ABHD3: variants seen among roughly 807,000 people sequenced by gnomAD.
The protein encoded by ABHD3 is abhydrolase domain containing 3, phospholipase, also known as phospholipase ABHD3.
A neutral mutation model predicts 48.8 loss-of-function variants in ABHD3; 46 were observed. The observed-to-expected ratio is 0.94, with a 90% CI of 0.74 to 1.20. The LOEUF is 1.20. Among genes scored for constraint, ABHD3 ranks in the 50% most tolerant of loss-of-function variants. The pLI is 0.00. For missense variants in ABHD3, 490 were observed against 497.8 expected (o/e 0.98, Z 0.15); for synonymous variants, 192 against 183.7 (o/e 1.04, Z -0.36).
At chr18:21,654,145 C>T (rs533951796) in intron 8 of ABHD3, among the ~76,000 whole-genome samples, 17 of 152,190 alleles carry the variant, frequency 1.1e-4, no homozygotes, top group Non-Finnish European at 2.1e-4. Context: ...AGCCACTTCG[C>T]TCGGCCTGAC....
intron 4 of ABHD3, among the ~76,000 whole-genome samples, chr18:21,669,754 C>G (rs553476633): frequency 6.6e-6 from 1 of 152,280 alleles, no homozygotes; most frequent in African/African-American, 2.4e-5. Flanking sequence ...TTGTGGGCGA[C>G]ATGGCATTCT....
chr18:21,685,084 T>C (rs1290460452), intron 3 of ABHD3, among the ~76,000 whole-genome samples: 2 of 152,356 alleles, frequency 1.3e-5, no homozygotes, highest in African/African-American at 2.4e-5. Context: ...GGCCCAGATA[T>C]GTATTTTTAC....
intron 4 of ABHD3, among the ~76,000 whole-genome samples, chr18:21,679,974 C>T (rs1248677984): frequency 6.6e-6 from 1 of 150,754 alleles, no homozygotes; most frequent in African/African-American, 2.4e-5. Context: ...GTGCCTGGCC[C>T]TAAAAAGCTT....
chr18:21,683,121 T>G (rs982932961), intron 4 of ABHD3: 18 of 155,226 alleles, frequency 1.2e-4, no homozygotes, highest in African/African-American at 4.3e-4. Context: ...CTTAATGTCA[T>G]TCTCTATCAA....
At chr18:21,669,003 G>A (rs991494631) in intron 4 of ABHD3, among the ~76,000 whole-genome samples, 3 of 152,062 alleles carry the variant, frequency 2.0e-5, no homozygotes, top group Admixed American at 6.6e-5. Context: ...TGGGCCAATC[G>A]CTTGAGCCCA....
chr18:21,665,317 T>C (rs1040126905), intron 4 of ABHD3, among the ~76,000 whole-genome samples: 3 of 152,054 alleles, frequency 2.0e-5, no homozygotes, highest in African/African-American at 4.8e-5. Context: ...CACAGCTCAC[T>C]GTAGCCTCGA....
chr18:21,704,735 G>A lies in ABHD3; in HGVS notation c.-70C>T. 15 of 1,302,412 alleles carry A rather than the reference G, an allele frequency of 1.2e-5. No homozygotes were observed. The highest frequency in any genetic ancestry group is 1.5e-5 in the Non-Finnish European group (15 of 1,015,002). The allele number at this position is 1,302,412 out of a possible 1,614,324, so 80.7% of individuals were successfully genotyped here. On this transcript the variant is annotated 5_prime_UTR_variant, in exon 1 of 9. Coordinates refer to ENST00000289119, the MANE Select transcript of ABHD3 (RefSeq NM_138340.5). Reference sequence around the variant, plus strand: ...GGCTGGCGAGCGGGCGAGAGCGGGCGAGAGCGGACGCGGCGCCGCTGCCTA... The same window carrying A: ...GGCTGGCGAGCGGGCGAGAGCGGGCAAGAGCGGACGCGGCGCCGCTGCCTA...
chr18:21,702,504 A>G lies in ABHD3; in HGVS notation c.327-6T>C. The G allele has an allele frequency of 1.3e-6, 2 of 1,581,880 alleles. No homozygotes were observed. The highest frequency in any genetic ancestry group is 2.3e-5 in the East Asian group (1 of 44,200). On this transcript the variant is annotated splice_polypyrimidine_tract_variant and splice_region_variant and intron_variant, in intron 2 of 8. Transcript: ENST00000289119. Reference sequence around the variant, plus strand: ...CTGCAGTTTTAATAAGTTCACTGAAAGGAATAATTCAGAAGACATTACTAT... The same window carrying G: ...CTGCAGTTTTAATAAGTTCACTGAAGGGAATAATTCAGAAGACATTACTAT...
At position 21,650,990 on chromosome 18, in the gene ABHD3, T is replaced by A. The variant is rs901708042; in HGVS notation, c.*601A>T. ...ATAAGCATGTAAATTATAATCATTATAAAACATAAGTTAGTCCTAATTTAA... is the reference window on the plus strand; with the variant it reads ...ATAAGCATGTAAATTATAATCATTAAAAAACATAAGTTAGTCCTAATTTAA... On this transcript the variant is annotated 3_prime_UTR_variant, in exon 9 of 9. Coordinates refer to ENST00000289119, the MANE Select transcript of ABHD3 (RefSeq NM_138340.5). 2 of 152,130 alleles carry A rather than the reference T, an allele frequency of 1.3e-5. No individual in the cohort carries two copies. The highest frequency in any genetic ancestry group is 4.8e-5 in the African/African-American group (2 of 41,452). The allele number at this position is 152,130 out of a possible 1,614,324, so 9.4% of individuals were successfully genotyped here. A position where few individuals can be genotyped will look rare whatever the true frequency, so the allele number is the denominator to read the frequency against.
chr18:21,680,977 C>G (rs993442072), intron 4 of ABHD3, among the ~76,000 whole-genome samples: 1 of 151,898 alleles, frequency 6.6e-6, no homozygotes, highest in Non-Finnish European at 1.5e-5. Context: ...ATCCTCCCAC[C>G]TGGGCCTCCC....
At chr18:21,666,070 C>T (rs1037907561) in intron 4 of ABHD3, among the ~76,000 whole-genome samples, 7 of 151,786 alleles carry the variant, frequency 4.6e-5, no homozygotes, top group African/African-American at 1.2e-4. Flanking sequence ...CTTGCTCTGT[C>T]GCCCAGGCTG....
chr18:21,694,706 C>T (rs1270708799), intron 3 of ABHD3, among the ~76,000 whole-genome samples: 5 of 152,276 alleles, frequency 3.3e-5, no homozygotes, highest in Non-Finnish European at 7.4e-5. Context: ...TCAAACTCAT[C>T]GAATGGGTGA....
chr18:21,688,531 G>C (rs1220953198), intron 3 of ABHD3, among the ~76,000 whole-genome samples: 1 of 151,528 alleles, frequency 6.6e-6, no homozygotes, highest in Non-Finnish European at 1.5e-5. Flanking sequence ...AGAGCCTGTA[G>C]TAGAGAAATA....
chr18:21,675,118 T>C (rs564698540), intron 4 of ABHD3, among the ~76,000 whole-genome samples: 22 of 152,238 alleles, frequency 1.4e-4, no homozygotes, highest in African/African-American at 5.3e-4. Flanking sequence ...ATTTTCAGGC[T>C]GACTTGACTG....
intron 4 of ABHD3, among the ~76,000 whole-genome samples, chr18:21,670,692 C>A (rs1364664755): frequency 6.6e-6 from 1 of 152,182 alleles, no homozygotes; most frequent in Non-Finnish European, 1.5e-5. Flanking sequence ...CTCTGTCAAC[C>A]TTGCCTGTTG....
chr18:21,684,665 C>A (rs1387536770), intron 3 of ABHD3, among the ~76,000 whole-genome samples: 2 of 152,110 alleles, frequency 1.3e-5, no homozygotes. Flanking sequence ...ATCCTCTACC[C>A]ATTGCATTTG....
chr18:21,663,666 A>G, intron 5 of ABHD3: 1 of 1,535,434 alleles, frequency 6.5e-7, no homozygotes, highest in South Asian at 1.2e-5. Context: ...ACAAAACAAA[A>G]CAAAATACCA....
In ABHD3 at chr18:21,702,413, T is replaced by C; in HGVS notation, c.412A>G (p.Thr138Ala). 1 of 1,614,116 alleles carries C rather than the reference T, an allele frequency of 6.2e-7. No individual in the cohort carries two copies. The highest frequency in any genetic ancestry group is 8.5e-7 in the Non-Finnish European group (1 of 1,179,968). ...GGCAACAATAAGATAGTAGGTCTGG[T>C]GCTGGCATCCATATAACACGTACTG... Reference protein sequence around the residue: ...DNSTCYMDASTRPTILLLPGL... With the variant: ...DNSTCYMDASARPTILLLPGL... Residue 138 changes from threonine (T) to alanine (A), a missense_variant, in exon 3 of 9, where the codon ACC becomes GCC. Transcript: ENST00000289119.
At position 21,702,293 on chromosome 18, in the gene ABHD3, AAAAAG is replaced by A. The variant is rs775804962; in HGVS notation, c.509+18_509+22del. The A allele has an allele frequency of 3.2e-6, 5 of 1,540,290 alleles. No individual in the cohort carries two copies. The Admixed American group carries it at 8.1e-5, about 25-fold the overall frequency. On this transcript the variant is annotated intron_variant, in intron 3 of 8. Transcript: ENST00000289119. ...TTCATTTGGAATGGATCAAGTGAAA[AAAAAG>A]AAATCTTTTACTGGTACCTGTATCC...
Sources: allele counts gnomAD v4.1 joint callset (sites outside exome capture counted in the v4.1 genomes callset), GRCh38; gene constraint gnomAD v4.1.1; transcripts MANE v1.5; gene names NCBI Gene and HGNC (gene_info 2026-07-23, HGNC 2026-07-21).